The following SMARCD2 variants were observed in gnomAD, a reference collection of about 807,000 sequenced individuals.
SMARCD2 encodes the protein SWI/SNF-related matrix-associated actin-dependent regulator of chromatin subfamily D member 2.
A neutral mutation model predicts 70.4 loss-of-function variants in SMARCD2; 39 were observed. That is an observed-to-expected ratio of 0.55 (90% CI 0.43 to 0.72). The LOEUF (loss-of-function observed/expected upper bound fraction) is 0.72, where lower values mean the gene tolerates loss of function less well. SMARCD2 is among the 30% of genes least tolerant of loss of function. The pLI, the probability that SMARCD2 is intolerant of heterozygous loss-of-function variation, is 0.00. For synonymous variants in SMARCD2, 249 were observed against 279.4 expected (o/e 0.89, Z 1.08); for missense variants, 540 against 713.4 (o/e 0.76, Z 2.77).
At chr17:63,839,390 A>G (rs1382439296) in intron 1 of SMARCD2, among the ~76,000 whole-genome samples, 1 of 152,018 alleles carries the variant, frequency 6.6e-6, no homozygotes, top group Non-Finnish European at 1.5e-5. Context: ...AAGTCCCAAG[A>G]CAAGGCCTCA....
Position 63,837,297 on chromosome 17 carries a change from A to C in SMARCD2, c.402-60T>G. On this transcript the variant is annotated intron_variant, in intron 2 of 12. Transcript: ENST00000448276. This position sits in a 1 kb window ranked among gnomAD's most constrained non-coding sequence, Gnocchi z 6.4. ...GGTCCAAAAAAGGACACTCACTCCC[A>C]TAACGCCCCTCCAGTCTCCAGGACC... 1.3e-6 allele frequency: 2 copies of C among 1,566,248 alleles called. No individual in the cohort carries two copies. The highest frequency in any genetic ancestry group is 1.8e-6 in the Non-Finnish European group (2 of 1,136,560).
In SMARCD2 at chr17:63,832,192, A is replaced by T. The variant is rs1441586322; in HGVS notation, c.*746T>A. The T allele has an allele frequency of 1.7e-5, 10 of 589,682 alleles. No homozygotes were observed. The highest frequency in any genetic ancestry group is 2.7e-5 in the Non-Finnish European group (9 of 330,836). The allele number at this position is 589,682 out of a possible 1,614,324, so 36.5% of individuals were successfully genotyped here. ...TCCAAAGGGCAACACCAGTCCTCCCAGCCTCCCCATTCACCTTACCCTGGC... is the reference window on the plus strand; with the variant it reads ...TCCAAAGGGCAACACCAGTCCTCCCTGCCTCCCCATTCACCTTACCCTGGC... On this transcript the variant is annotated 3_prime_UTR_variant, in exon 13 of 13. Coordinates refer to ENST00000448276, the MANE Select transcript of SMARCD2 (RefSeq NM_001098426.2).
chr17:63,834,498 G>A lies in SMARCD2; in HGVS notation c.897C>T (p.Thr299=). Residue 299 remains threonine, a synonymous_variant, in exon 7 of 13, where the codon ACC becomes ACT. Transcript: ENST00000448276. The surrounding 1 kb of genome is among the most constrained non-coding windows in gnomAD (Gnocchi z 5.6). ...KRPGDLNVKC[T]LLLMLDHQPP... ...CCTGATGATCCAGCATGAGCAGGAG[G>A]GTGCACTTGACGTTGAGGTCTCCAG... 1.9e-6 allele frequency: 3 copies of A among 1,601,738 alleles called. No individual in the cohort carries two copies. The highest frequency in any genetic ancestry group is 2.6e-6 in the Non-Finnish European group (3 of 1,171,334).
chr17:63,842,559 C>G lies in SMARCD2; in HGVS notation c.116G>C (p.Gly39Ala). The change falls in exon 1 of 13, where the codon GGA (glycine) becomes GCA (alanine). Residue 39 changes from glycine (G) to alanine (A), a missense_variant. Physicochemically the swap from Gly to Ala is moderately conservative, Grantham distance 60. Transcript: ENST00000448276. Reference sequence around the variant, plus strand: ...CGGACCCGGTCCCCGGAGCGCCGGTCCGGGCAGCATGCCGGGTCCCGCGGG... The same window carrying G: ...CGGACCCGGTCCCCGGAGCGCCGGTGCGGGCAGCATGCCGGGTCCCGCGGG... ...PPPAGPGMLP[G>A]PALRGPGPAG... 1 of 1,205,928 alleles carries G rather than the reference C, an allele frequency of 8.3e-7. No homozygotes were observed. The highest frequency in any genetic ancestry group is 1.6e-5 in the African/African-American group (1 of 63,242). 74.7% of individuals were successfully genotyped at this position (1,205,928 alleles called of 1,614,324 possible).
In SMARCD2 at chr17:63,832,712, C is replaced by G. The variant is rs979873721; in HGVS notation, c.*226G>C. The G allele has an allele frequency of 1.7e-5, 10 of 584,358 alleles. No homozygotes were observed. Among genetic ancestry groups the G allele is most frequent in the African/African-American group, 3.7e-5 (2 of 53,588 alleles). 36.2% of individuals were successfully genotyped at this position (584,358 alleles called of 1,614,324 possible). A position where few individuals can be genotyped will look rare whatever the true frequency, so the allele number is the denominator to read the frequency against. On this transcript the variant is annotated 3_prime_UTR_variant, in exon 13 of 13. Transcript: ENST00000448276. ...CTACTTGGGCCTGCCTGCAGGGGGGCAGAGGAGGCATCTGCTGAACCCAAT... is the reference window on the plus strand; with the variant it reads ...CTACTTGGGCCTGCCTGCAGGGGGGGAGAGGAGGCATCTGCTGAACCCAAT...
chr17:63,842,391 T>C, intron 1 of SMARCD2, 68 bp downstream of exon 1: 1 of 1,269,282 alleles, frequency 7.9e-7, no homozygotes, highest in Admixed American at 4.1e-5. Context: ...TCGAGGCCCC[T>C]TCAGCCGCCG....
intron 1 of SMARCD2, 123 bp downstream of exon 1, chr17:63,842,336 T>C: frequency 1.7e-6 from 2 of 1,182,904 alleles, no homozygotes; most frequent in South Asian, 2.4e-5. Flanking sequence ...CGGCCCGCCC[T>C]CCACCGTCTC....
In SMARCD2 at chr17:63,833,489, A is replaced by AT; in HGVS notation, c.1318-70dup. 6.2e-7 allele frequency: 1 copy of AT among 1,609,964 alleles called. No homozygotes were observed. The highest frequency in any genetic ancestry group is 8.5e-7 in the Non-Finnish European group (1 of 1,177,046). ...TGCAAGCAACTGAGCCAGAGTTCCC[A>AT]TCCCGTCCTCCAGGTGCTACATGTA... is the stretch of plus-strand genomic sequence containing the variant. On this transcript the variant is annotated intron_variant, in intron 10 of 12. Transcript: ENST00000448276. This position sits in a 1 kb window ranked among gnomAD's most constrained non-coding sequence, Gnocchi z 4.3.
chr17:63,839,263 C>T (rs1287747197), intron 1 of SMARCD2: 1 of 985,250 alleles, frequency 1.0e-6, no homozygotes, highest in South Asian at 4.7e-5. Context: ...AGAACTGAAG[C>T]AGTGGGTCCT....
Position 63,835,507 on chromosome 17 carries a change from C to G in SMARCD2, c.628G>C (p.Asp210His), listed in dbSNP as rs773107708. The change falls in exon 5 of 13, where the codon GAT becomes CAT. Residue 210 changes from aspartate to histidine, a missense_variant. Transcript: ENST00000448276. ...GGGGTCCCTGCAGTTCCTGCACTAT[C>G]GCCTTCCGCCTTGCTGGGACTGAAC... ...NTFSPSKAEG[D>H]SAGTAGTPGG... 2 of 1,613,924 alleles carry G rather than the reference C, an allele frequency of 1.2e-6. No homozygotes were observed. The highest frequency in any genetic ancestry group is 2.7e-5 in the African/African-American group (2 of 74,952).
chr17:63,836,104 T>C (rs950646759), intron 4 of SMARCD2, among the ~76,000 whole-genome samples: 20 of 152,076 alleles, frequency 1.3e-4, no homozygotes, highest in African/African-American at 4.8e-4. Context: ...TACGGCATGA[T>C]GGAGTAACAC....
chr17:63,836,431 G>T (rs750877802), intron 4 of SMARCD2, among the ~76,000 whole-genome samples: 1 of 147,450 alleles, frequency 6.8e-6, no homozygotes, highest in Non-Finnish European at 1.5e-5. Flanking sequence ...CCTGGGATGC[G>T]AAGGTTGCAG....
intron 1 of SMARCD2, 49 bp downstream of exon 1, chr17:63,842,410 G>A (rs1222502957): frequency 2.3e-6 from 3 of 1,308,538 alleles, no homozygotes; most frequent in Admixed American, 3.7e-5. Flanking sequence ...CGGCCCGGGC[G>A]CCCTCGCAGC....
In SMARCD2 at chr17:63,834,833, C is replaced by G; in HGVS notation, c.724-33G>C. ...TGGAAAGGGGTGTGAGATGGTGCTG[C>G]TGAGCTCTCAAATCTCAAGCTATGC... On this transcript the variant is annotated intron_variant, in intron 5 of 12. Coordinates refer to ENST00000448276, the MANE Select transcript of SMARCD2 (RefSeq NM_001098426.2). The surrounding 1 kb of genome is among the most constrained non-coding windows in gnomAD (Gnocchi z 5.6). 3 of 1,409,570 alleles carry G rather than the reference C, an allele frequency of 2.1e-6. No homozygotes were observed. Among genetic ancestry groups the G allele is most frequent in the Non-Finnish European group, 3.0e-6 (3 of 994,000 alleles). 87.3% of individuals were successfully genotyped at this position (1,409,570 alleles called of 1,614,324 possible).
At chr17:63,842,329 C>T in intron 1 of SMARCD2, 130 bp downstream of exon 1, 2 of 1,185,940 alleles carry the variant, frequency 1.7e-6, no homozygotes, top group Non-Finnish European at 1.0e-6. Flanking sequence ...AGGGTCCCGG[C>T]CCGCCCTCCA....
Position 63,834,614 on chromosome 17 carries a change from G to A in SMARCD2, c.820-39C>T, listed in dbSNP as rs904857661. On this transcript the variant is annotated intron_variant, in intron 6 of 12. Transcript: ENST00000448276. The surrounding 1 kb of genome is among the most constrained non-coding windows in gnomAD (Gnocchi z 5.6). Reference sequence around the variant, plus strand: ...AAGCATGGCTTATCACCAAGGGGGTGGGCGTGAACACAGGGCCTCCCAAGG... The same window carrying A: ...AAGCATGGCTTATCACCAAGGGGGTAGGCGTGAACACAGGGCCTCCCAAGG... 1.3e-6 allele frequency: 2 copies of A among 1,570,768 alleles called. No homozygotes were observed. The highest frequency in any genetic ancestry group is 1.4e-5 in the African/African-American group (1 of 74,048).
intron 1 of SMARCD2, among the ~76,000 whole-genome samples, chr17:63,841,879 C>A (rs1904476151): frequency 6.6e-6 from 1 of 152,208 alleles, no homozygotes; most frequent in African/African-American, 2.4e-5. Flanking sequence ...AGCGAAGGCG[C>A]CTGGCCCTGC....
rs1261241034 is a variant in SMARCD2 at position 63,838,616 on chromosome 17, C to T, written c.217-991G>A. ...CTGCAGAAGGATTTCCCACCTGAGG[C>T]CTTGCTCCCTGACATTTCTGTGGAG... On this transcript the variant is annotated intron_variant, in intron 1 of 12. Coordinates refer to ENST00000448276, the MANE Select transcript of SMARCD2 (RefSeq NM_001098426.2). The T allele has an allele frequency of 4.7e-6, 7 of 1,495,420 alleles. 1 individual carries two copies. In the Admixed American group the frequency reaches 1.5e-4, roughly 32 times the overall value. The allele number at this position is 1,495,420 out of a possible 1,614,324, so 92.6% of individuals were successfully genotyped here. A position where few individuals can be genotyped will look rare whatever the true frequency, so the allele number is the denominator to read the frequency against.
rs1250240739 is a variant in SMARCD2 at position 63,837,175 on chromosome 17, G to T, written c.444+20C>A. 6.2e-7 allele frequency: 1 copy of T among 1,613,206 alleles called. No homozygotes were observed. Among genetic ancestry groups the T allele is most frequent in the East Asian group, 2.2e-5 (1 of 44,886 alleles). On this transcript the variant is annotated intron_variant, in intron 3 of 12. Coordinates refer to ENST00000448276, the MANE Select transcript of SMARCD2 (RefSeq NM_001098426.2). The surrounding 1 kb of genome is among the most constrained non-coding windows in gnomAD (Gnocchi z 6.4). ...AGGTGGCCACTGGGCAGGCCTCCCA[G>T]GTGTCCTCTTAACACTTACTCGCTG... is the stretch of plus-strand genomic sequence containing the variant.
Sources: gnomAD v4.1 joint callset for allele counts (sites outside exome capture counted in the v4.1 genomes callset) on GRCh38, gnomAD v4.1.1 for gene constraint, Gnocchi (gnomAD v3.1) non-coding constraint, MANE v1.5 for transcripts, NCBI Gene and HGNC (gene_info 2026-07-23, HGNC 2026-07-21) for gene names.